The following RHOA variants were observed in gnomAD, a reference collection of about 807,000 sequenced individuals.
The protein encoded by RHOA is transforming protein RhoA.
Under a neutral mutation model 17.5 loss-of-function variants are expected in RHOA, and 3 were observed. The ratio of observed to expected loss-of-function variants is 0.17; its 90% CI spans 0.08 to 0.44. The LOEUF (loss-of-function observed/expected upper bound fraction) is 0.44. Among genes scored for constraint, RHOA ranks in the 20% least tolerant of loss-of-function variants. The pLI is 0.99. For synonymous variants in RHOA, 98 were observed against 88.4 expected (o/e 1.11, Z -0.61); for missense variants, 56 against 242.3 (o/e 0.23, Z 5.10).
chr3:49,397,525 AT>A (rs1431003256), intron 1 of RHOA, among the ~76,000 whole-genome samples: 1 of 152,192 alleles, frequency 6.6e-6, no homozygotes, highest in Non-Finnish European at 1.5e-5. Flanking sequence ...TTTAAAAAAA[AT>A]AAGCGTTGAA....
chr3:49,407,877 T>TA (rs2048861119), intron 1 of RHOA, among the ~76,000 whole-genome samples: 1 of 152,090 alleles, frequency 6.6e-6, no homozygotes, highest in African/African-American at 2.4e-5. Flanking sequence ...TATGCTTAAA[T>TA]ATGGCCAGAC....
At chr3:49,402,267 G>A (rs2048738157) in intron 1 of RHOA, among the ~76,000 whole-genome samples, 1 of 152,014 alleles carries the variant, frequency 6.6e-6, no homozygotes, top group Admixed American at 6.6e-5. Flanking sequence ...AAGACAATGC[G>A]TATCTAGTAA....
At chr3:49,391,950 C>G (rs2048518758) in intron 1 of RHOA, among the ~76,000 whole-genome samples, 1 of 151,506 alleles carries the variant, frequency 6.6e-6, no homozygotes, top group East Asian at 1.9e-4. Flanking sequence ...GCCTCAGCCT[C>G]CCAAGTAGCT....
chr3:49,401,443 AAG>A (rs1178893377), intron 1 of RHOA, among the ~76,000 whole-genome samples: 2 of 151,978 alleles, frequency 1.3e-5, no homozygotes, highest in Non-Finnish European at 2.9e-5. Flanking sequence ...ACTTGAGCCC[AAG>A]AGTTTGACAC....
At chr3:49,393,668 TTC>T (rs765605913) in intron 1 of RHOA, among the ~76,000 whole-genome samples, 1,029 of 29,540 alleles carry the variant, frequency 0.035, 21 homozygotes, top group African/African-American at 0.045. Flanking sequence ...TTGTCTCAAA[TTC>T]TCTCTCTGTG....
At chr3:49,395,205 C>G (rs908555707) in intron 1 of RHOA, among the ~76,000 whole-genome samples, 1 of 150,262 alleles carries the variant, frequency 6.7e-6, no homozygotes, top group African/African-American at 2.5e-5. Flanking sequence ...GAGCCGAGAT[C>G]GCACCACGGC....
At chr3:49,411,687 G>A (rs1447553088) in intron 1 of RHOA, 133 bp downstream of exon 1, 1 of 152,052 alleles carries the variant, frequency 6.6e-6, no homozygotes, top group Non-Finnish European at 1.5e-5. Flanking sequence ...TCAAGGGTCA[G>A]GGGCCAGGGG....
chr3:49,402,180 A>AT (rs1213208067), intron 1 of RHOA, among the ~76,000 whole-genome samples: 2 of 152,224 alleles, frequency 1.3e-5, no homozygotes, highest in African/African-American at 4.8e-5. Context: ...TGTAAATATT[A>AT]TAAGGTTAAC....
At chr3:49,384,143 A>T (rs1038350283) in intron 1 of RHOA, among the ~76,000 whole-genome samples, 1 of 152,226 alleles carries the variant, frequency 6.6e-6, no homozygotes, top group Non-Finnish European at 1.5e-5. Flanking sequence ...ACAAGTGATT[A>T]TCGGACAAAA....
chr3:49,383,676 T>C (rs1435800437), intron 1 of RHOA, among the ~76,000 whole-genome samples: 1 of 152,104 alleles, frequency 6.6e-6, no homozygotes, highest in Non-Finnish European at 1.5e-5. Context: ...GTGCCTTCCC[T>C]TCCTAGAATG....
intron 2 of RHOA, among the ~76,000 whole-genome samples, chr3:49,372,965 A>G (rs1455159939): frequency 6.6e-6 from 1 of 152,116 alleles, no homozygotes; most frequent in Non-Finnish European, 1.5e-5. Flanking sequence ...TGGAGTTCTG[A>G]GCAGCTGATC....
In RHOA at chr3:49,360,224, C is replaced by A; in HGVS notation, c.567G>T (p.Gly189=). 8 of 1,613,238 alleles carry A rather than the reference C, an allele frequency of 5.0e-6. No individual in the cohort carries two copies. The highest frequency in any genetic ancestry group is 1.3e-5 in the African/African-American group (1 of 74,996). ...LQARRGKKKS[G]CLVL ...CAGCAAGGTTTCACAAGACAAGGCA[C>A]CCAGATTTTTTCTTCCCACGTCTAG... Residue 189 remains glycine (G), a synonymous_variant, in exon 5 of 5, where the codon GGG becomes GGT. Coordinates refer to ENST00000418115, the MANE Select transcript of RHOA (RefSeq NM_001664.4).
intron 2 of RHOA, among the ~76,000 whole-genome samples, chr3:49,374,875 A>C (rs1481707203): frequency 6.6e-6 from 1 of 151,944 alleles, no homozygotes; most frequent in African/African-American, 2.4e-5. Context: ...TGGCCAACGT[A>C]GTGAAACCCC....
chr3:49,367,811 C>T (rs143833572), intron 3 of RHOA, among the ~76,000 whole-genome samples: 1 of 151,834 alleles, frequency 6.6e-6, no homozygotes, highest in Admixed American at 6.6e-5. Flanking sequence ...TGTCAGCCGC[C>T]GCACCAGCCT....
intron 1 of RHOA, among the ~76,000 whole-genome samples, chr3:49,387,174 G>C (rs867937267): frequency 8.2e-5 from 11 of 134,852 alleles, no homozygotes; most frequent in Admixed American, 8.2e-5. Context: ...GCCGGGCGTG[G>C]TGGCTCACAC....
At chr3:49,369,743 TAA>T (rs879683347) in intron 2 of RHOA, among the ~76,000 whole-genome samples, 6 of 122,970 alleles carry the variant, frequency 4.9e-5, no homozygotes, top group Admixed American at 8.7e-5. Flanking sequence ...CCTCCATCTC[TAA>T]AAAAAAAAAA....
chr3:49,382,037 TG>T (rs763639438), intron 1 of RHOA, among the ~76,000 whole-genome samples: 10 of 147,432 alleles, frequency 6.8e-5, no homozygotes, highest in Admixed American at 4.7e-4. Context: ...AAAAAAATAT[TG>T]GCCGGGCATG....
intron 1 of RHOA, among the ~76,000 whole-genome samples, chr3:49,408,212 A>C (rs539817438): frequency 7.6e-4 from 116 of 151,954 alleles, no homozygotes; most frequent in African/African-American, 2.7e-3. Context: ...ACACACACGT[A>C]TATGTACACA....
intron 1 of RHOA, among the ~76,000 whole-genome samples, chr3:49,395,223 C>A (rs2048594224): frequency 6.6e-6 from 1 of 151,182 alleles, no homozygotes; most frequent in African/African-American, 2.4e-5. Flanking sequence ...GGCACTCCAG[C>A]CTGGACGACA....
Sources: allele counts gnomAD v4.1 joint callset (sites outside exome capture counted in the v4.1 genomes callset), GRCh38; gene constraint gnomAD v4.1.1; transcripts MANE v1.5; gene names NCBI Gene and HGNC (gene_info 2026-07-23, HGNC 2026-07-21).